The following STXBP5 variants were observed in gnomAD, a reference collection of about 807,000 sequenced individuals.
STXBP5 encodes syntaxin-binding protein 5.
STXBP5 carries 50 observed loss-of-function variants against 152.4 expected under a neutral mutation model. The observed-to-expected ratio is 0.33, with a 90% CI of 0.26 to 0.42. STXBP5 has a LOEUF of 0.42. Among genes scored for constraint, STXBP5 ranks in the 10% least tolerant of loss-of-function variants. The probability of loss-of-function intolerance (pLI) is 1.00; values close to 1 mark genes in which losing one functional copy is unlikely to be tolerated. For missense variants in STXBP5, 1,167 were observed against 1,388.6 expected (o/e 0.84, Z 2.54); for synonymous variants, 492 against 494.7 (o/e 0.99, Z 0.07).
At chr6:147,268,728 G>A (rs563770215) in intron 7 of STXBP5, among the ~76,000 whole-genome samples, 45 of 152,180 alleles carry the variant, frequency 3.0e-4, no homozygotes, top group Non-Finnish European at 5.7e-4. Flanking sequence ...ATCTAGGCTT[G>A]AGCCATTATG....
chr6:147,325,061 G>A lies in STXBP5; in HGVS notation c.1905G>A (p.Leu635=), dbSNP rs141590197. The A allele has an allele frequency of 2.7e-4, 425 of 1,570,468 alleles. No individual in the cohort carries two copies. The highest frequency in any genetic ancestry group is 3.5e-4 in the Non-Finnish European group (410 of 1,155,216). ...AACCACCACAACAAATAACCAGCCTGGCAGTCAATTCTTCCTATGGACTGT... is the reference window on the plus strand; with the variant it reads ...AACCACCACAACAAATAACCAGCCTAGCAGTCAATTCTTCCTATGGACTGT... The part of the protein sequence containing the change: ...GGEPPQQITS[L]AVNSSYGLVV... Residue 635 remains leucine (L), a synonymous_variant, in exon 17 of 28, where the codon CTG becomes CTA. Transcript: ENST00000321680.
At chr6:147,306,087 TAGGTATGTTCCCCAAATCTG>T (rs1336201557) in intron 9 of STXBP5, among the ~76,000 whole-genome samples, 1 of 152,202 alleles carries the variant, frequency 6.6e-6, no homozygotes, top group African/African-American at 2.4e-5. Flanking sequence ...CACCCTGCTG[TAGGTATGTTCCCCAAATCTG>T]GCCATGTGTG....
chr6:147,389,027 TCTTAAATGTCCTTCTTTTTTCTTTTC>T lies in STXBP5; in HGVS notation c.*4274_*4299del, dbSNP rs955635048. 6.6e-6 allele frequency: 1 copy of T among 151,590 alleles called. No individual in the cohort carries two copies. Among genetic ancestry groups the T allele is most frequent in the African/African-American group, 2.4e-5 (1 of 41,372 alleles). The allele number at this position is 151,590 out of a possible 1,614,324, so 9.4% of individuals were successfully genotyped here. Reference sequence around the variant, plus strand: ...TTGGGGGGAAAAAAGCACTCCTATATCTTAAATGTCCTTCTTTTTTCTTTTCCCTTTTAGGGTATTTGTTCTCTTGG... The same window carrying T: ...TTGGGGGGAAAAAAGCACTCCTATATCCTTTTAGGGTATTTGTTCTCTTGG... On this transcript the variant is annotated 3_prime_UTR_variant, in exon 28 of 28. Coordinates refer to ENST00000321680, the MANE Select transcript of STXBP5 (RefSeq NM_001127715.4).
chr6:147,310,529 GTGATTGATTGATTGAT>G (rs5880703), intron 10 of STXBP5, among the ~76,000 whole-genome samples: 2 of 150,112 alleles, frequency 1.3e-5, no homozygotes, highest in African/African-American at 2.5e-5. Context: ...AGGAGAGAAA[GTGATTGATTGATTGAT>G]TGATTGATTG....
At chr6:147,344,067 TCTGAGTA>T (rs1430287431) in intron 21 of STXBP5, among the ~76,000 whole-genome samples, 7 of 152,158 alleles carry the variant, frequency 4.6e-5, no homozygotes, top group Non-Finnish European at 8.8e-5. Context: ...ATTATATGAG[TCTGAGTA>T]CTAACAAATT....
chr6:147,373,301 GC>G (rs1319102523), intron 25 of STXBP5, among the ~76,000 whole-genome samples: 1 of 139,256 alleles, frequency 7.2e-6, no homozygotes, highest in East Asian at 2.2e-4. Flanking sequence ...AGAGGCAGAA[GC>G]TGCAAGTGAG....
rs199652636 is a variant in STXBP5 at position 147,333,577 on chromosome 6, G to GA, written c.2081-573dup. 7.1e-3 allele frequency among the ~76,000 whole-genome samples: 1,080 copies of GA among 152,190 alleles called. 4 individuals are homozygous for GA. Among genetic ancestry groups the GA allele is most frequent in the Non-Finnish European group, 0.012 (849 of 67,998 alleles). ...CTCATTCAAGAACTTCCTATCTAATGAAAAAAACTAATATGTGCCTCAAAA... is the reference window on the plus strand; with the variant it reads ...CTCATTCAAGAACTTCCTATCTAATGAAAAAAAACTAATATGTGCCTCAAAA... On this transcript the variant is annotated intron_variant, in intron 18 of 27. Coordinates refer to ENST00000321680, the MANE Select transcript of STXBP5 (RefSeq NM_001127715.4).
At chr6:147,374,102 G>A (rs1785695601) in intron 26 of STXBP5, among the ~76,000 whole-genome samples, 1 of 152,172 alleles carries the variant, frequency 6.6e-6, no homozygotes, top group South Asian at 2.1e-4. Flanking sequence ...AAATAATGTA[G>A]GAAGTACTTA....
intron 25 of STXBP5, among the ~76,000 whole-genome samples, chr6:147,367,068 TAAC>T (rs1785323906): frequency 6.6e-6 from 1 of 152,084 alleles, no homozygotes; most frequent in Admixed American, 6.5e-5. Flanking sequence ...ATTAAAACAA[TAAC>T]AACTGCGTTC....
intron 15 of STXBP5, 131 bp downstream of exon 15, chr6:147,315,866 T>G (rs1185104512): frequency 2.7e-6 from 2 of 733,642 alleles, no homozygotes; most frequent in Non-Finnish European, 4.5e-6. Flanking sequence ...ATTTATATTA[T>G]TATCTCTCTT....
At chr6:147,251,319 A>G (rs895726697) in intron 4 of STXBP5, among the ~76,000 whole-genome samples, 23 of 112,122 alleles carry the variant, frequency 2.1e-4, no homozygotes, top group Middle Eastern at 7.8e-3. Flanking sequence ...TTGGGTGCCT[A>G]CGCCAACAGG....
At chr6:147,223,526 A>G (rs558141055) in intron 2 of STXBP5, among the ~76,000 whole-genome samples, 1 of 152,330 alleles carries the variant, frequency 6.6e-6, no homozygotes, top group Admixed American at 6.5e-5. Context: ...TTAATAGATT[A>G]TATGTATATA....
chr6:147,210,900 C>T (rs1229973954), intron 2 of STXBP5, among the ~76,000 whole-genome samples: 1 of 152,056 alleles, frequency 6.6e-6, no homozygotes, highest in East Asian at 1.9e-4. Flanking sequence ...TTTCTCTCAG[C>T]GAATACTGAG....
intron 26 of STXBP5, among the ~76,000 whole-genome samples, chr6:147,379,156 C>T (rs1464023033): frequency 6.6e-6 from 1 of 151,912 alleles, no homozygotes; most frequent in Non-Finnish European, 1.5e-5. Context: ...TTAGGTTAGG[C>T]TTACCTAAAT....
rs146545962 is a variant in STXBP5 at position 147,353,348 on chromosome 6, A to G, written c.2280A>G (p.Leu760=). 2 of 1,583,668 alleles carry G rather than the reference A, an allele frequency of 1.3e-6. No individual in the cohort carries two copies. Among genetic ancestry groups the G allele is most frequent in the East Asian group, 2.3e-5 (1 of 43,952 alleles). ...DIAKMSRKLS[L]PTDLKPDLDV... Reference sequence around the variant, plus strand: ...CAAAGATGTCAAGGAAGTTAAGCTTACCTACTGACCTAAAGCCTGATTTAG... The same window carrying G: ...CAAAGATGTCAAGGAAGTTAAGCTTGCCTACTGACCTAAAGCCTGATTTAG... Residue 760 remains leucine (L), a synonymous_variant, in exon 22 of 28, where the codon TTA becomes TTG. Transcript: ENST00000321680.
intron 10 of STXBP5, 95 bp from the exon 11 acceptor site, chr6:147,311,360 G>T (rs78617110): frequency 0.039 from 40,912 of 1,035,814 alleles, 1,019 homozygotes; most frequent in Non-Finnish European, 0.049. Context: ...ATACTCAAGA[G>T]AATGAAACTA....
At position 147,284,021 on chromosome 6, in the gene STXBP5, A is replaced by C. The variant is rs1382946651; in HGVS notation, c.838+5817A>C. ...AAAACAGTAAAAAGAAACAGGTAAA[A>C]CTAATTTTAATAACATATTCTTTAA... is the stretch of plus-strand genomic sequence containing the variant. On this transcript the variant is annotated intron_variant, in intron 8 of 27. Coordinates refer to ENST00000321680, the MANE Select transcript of STXBP5 (RefSeq NM_001127715.4). Among the ~76,000 whole-genome samples, 3 of 152,224 alleles carry C rather than the reference A, an allele frequency of 2.0e-5. No individual in the cohort carries two copies. In the South Asian group the frequency reaches 6.2e-4, roughly 32 times the overall value.
rs200006966 is a variant in STXBP5, at chr6:147,386,000, CTG to C, written c.*1248_*1249del. The C allele has an allele frequency of 2.6e-5, 4 of 152,122 alleles. No individual in the cohort carries two copies. The East Asian group carries it at 7.7e-4, about 29-fold the overall frequency. 9.4% of individuals were successfully genotyped at this position (152,122 alleles called of 1,614,324 possible). On this transcript the variant is annotated 3_prime_UTR_variant, in exon 28 of 28. Coordinates refer to ENST00000321680, the MANE Select transcript of STXBP5 (RefSeq NM_001127715.4). Reference sequence around the variant, plus strand: ...CCAAAAAGAAAGGAAAATATGTACACTGTGATAACTAAATTATTTCTGTATTG... The same window carrying C: ...CCAAAAAGAAAGGAAAATATGTACACTGATAACTAAATTATTTCTGTATTG...
intron 18 of STXBP5, 38 bp from the exon 19 acceptor site, chr6:147,334,119 A>C (rs1783713870): frequency 2.5e-6 from 4 of 1,595,748 alleles, no homozygotes; most frequent in Non-Finnish European, 3.4e-6. Context: ...ACTTACATAA[A>C]TGTATGGGTT....
Sources: allele counts gnomAD v4.1 joint callset (sites outside exome capture counted in the v4.1 genomes callset), GRCh38; gene constraint gnomAD v4.1.1; transcripts MANE v1.5; gene names NCBI Gene and HGNC (gene_info 2026-07-23, HGNC 2026-07-21).